DNM3: variants seen among roughly 807,000 people sequenced by gnomAD.
DNM3 encodes the protein dynamin-3.
Under a neutral mutation model 101.6 loss-of-function variants are expected in DNM3, and 47 were observed. That is an observed-to-expected ratio of 0.46 (90% confidence interval 0.37 to 0.59). The LOEUF is 0.59. Ranked by LOEUF, DNM3 falls within the 20% of genes least tolerant of loss-of-function variation. The pLI is 0.00. For missense variants in DNM3, 849 were observed against 1,085.7 expected (o/e 0.78, Z 3.06); for synonymous variants, 385 against 387.9 (o/e 0.99, Z 0.09).
In DNM3 at chr1:171,921,742, T is replaced by A. The variant is rs2040187981; in HGVS notation, c.162-6T>A. 1 of 1,577,076 alleles carries A rather than the reference T, an allele frequency of 6.3e-7. No individual in the cohort carries two copies. Among genetic ancestry groups the A allele is most frequent in the Admixed American group, 1.8e-5 (1 of 54,470 alleles). On this transcript the variant is annotated splice_region_variant and splice_polypyrimidine_tract_variant and intron_variant, in intron 1 of 20. Coordinates refer to ENST00000627582, the MANE Select transcript of DNM3 (RefSeq NM_015569.5). ...TGCCTTAATCTGTATTTCTTACTTT[T>A]TTTAGGGACTTTCTCCCTCGAGGGT...
In DNM3 at chr1:172,408,392, A is replaced by C; in HGVS notation, c.*551A>C. 1.0e-6 allele frequency: 1 copy of C among 985,932 alleles called. No homozygotes were observed. The highest frequency in any genetic ancestry group is 1.2e-6 in the Non-Finnish European group (1 of 830,308). The allele number at this position is 985,932 out of a possible 1,614,324, so 61.1% of individuals were successfully genotyped here. ...TTAAAATTAGGACTCCTTAAGAATA[A>C]ACTTTTCCAGAAGCACGAGGTAGTT... is the stretch of plus-strand genomic sequence containing the variant. On this transcript the variant is annotated 3_prime_UTR_variant, in exon 21 of 21. Coordinates refer to ENST00000627582, the MANE Select transcript of DNM3 (RefSeq NM_015569.5).
rs142912312 is a variant in DNM3 at position 172,004,422 on chromosome 1, T to C, written c.589+15274T>C. On this transcript the variant is annotated intron_variant, in intron 4 of 20. Transcript: ENST00000627582. ...GCAAGGAACTCAATAGCCAGCGGACTGGATACATCGTCCTCATGCACATTG... is the reference window on the plus strand; with the variant it reads ...GCAAGGAACTCAATAGCCAGCGGACCGGATACATCGTCCTCATGCACATTG... Among the ~76,000 whole-genome samples the C allele has an allele frequency of 8.5e-5, 13 of 152,156 alleles. No homozygotes were observed. The East Asian group carries it at 2.5e-3, about 29-fold the overall frequency.
chr1:172,040,046 G>T (rs1345904623), intron 7 of DNM3, among the ~76,000 whole-genome samples: 1 of 152,166 alleles, frequency 6.6e-6, no homozygotes, highest in Non-Finnish European at 1.5e-5. Context: ...CAGAGGGCCT[G>T]TGGTAGGAGA....
chr1:171,865,120 G>A (rs2034586221), intron 1 of DNM3, among the ~76,000 whole-genome samples: 1 of 143,838 alleles, frequency 7.0e-6, no homozygotes. Flanking sequence ...AAGGAATTGA[G>A]GTGGCTTCCT....
chr1:172,093,133 A>C (rs1426295324), intron 13 of DNM3, among the ~76,000 whole-genome samples: 2 of 152,140 alleles, frequency 1.3e-5, no homozygotes, highest in Admixed American at 6.6e-5. Context: ...TTGACTCCTC[A>C]TGTCCTATTT....
chr1:172,138,005 G>A (rs1181613478), intron 14 of DNM3: 2 of 152,106 alleles, frequency 1.3e-5, no homozygotes, highest in African/African-American at 4.8e-5. Flanking sequence ...AGTTTATAGT[G>A]ATGGAAGCAT....
At chr1:172,103,481 T>G (rs900647443) in intron 13 of DNM3, among the ~76,000 whole-genome samples, 1 of 152,140 alleles carries the variant, frequency 6.6e-6, no homozygotes, top group African/African-American at 2.4e-5. Flanking sequence ...TGGCATAATA[T>G]TATAGTGTTC....
chr1:172,109,385 T>C (rs1283973635), intron 13 of DNM3, among the ~76,000 whole-genome samples: 1 of 152,246 alleles, frequency 6.6e-6, no homozygotes, highest in Admixed American at 6.5e-5. Flanking sequence ...GTACATCCAC[T>C]TGCAGCATTT....
intron 17 of DNM3, among the ~76,000 whole-genome samples, chr1:172,362,947 G>C (rs2067820664): frequency 6.6e-6 from 1 of 151,878 alleles, no homozygotes; most frequent in African/African-American, 2.4e-5. Flanking sequence ...CTGGGATGAT[G>C]CATGATCTTT....
chr1:171,894,158 A>G (rs7529619), intron 1 of DNM3, among the ~76,000 whole-genome samples: 1 of 150,674 alleles, frequency 6.6e-6, no homozygotes, highest in East Asian at 2.0e-4. Context: ...GGGTTTTACC[A>G]TGTTGGCCAG....
intron 14 of DNM3, among the ~76,000 whole-genome samples, chr1:172,193,549 G>A (rs997474709): frequency 2.0e-5 from 3 of 152,110 alleles, no homozygotes; most frequent in African/African-American, 4.8e-5. Context: ...CTTGTTATTG[G>A]TCTATTCAGG....
chr1:172,031,489 A>G (rs2048604110), intron 4 of DNM3, among the ~76,000 whole-genome samples: 1 of 152,158 alleles, frequency 6.6e-6, no homozygotes, highest in Admixed American at 6.5e-5. Flanking sequence ...TGATAGGTGC[A>G]GCAAACCACC....
chr1:172,206,156 G>T (rs910809562), intron 14 of DNM3, among the ~76,000 whole-genome samples: 1 of 152,026 alleles, frequency 6.6e-6, no homozygotes, highest in Non-Finnish European at 1.5e-5. Flanking sequence ...TGCAAAATTC[G>T]AATTTTTACT....
chr1:172,271,498 T>C (rs958290140), intron 15 of DNM3, among the ~76,000 whole-genome samples: 1 of 152,102 alleles, frequency 6.6e-6, no homozygotes, highest in Non-Finnish European at 1.5e-5. Flanking sequence ...TACCCATATC[T>C]GCTTCTGCTT....
chr1:171,924,026 G>T (rs1003742393), intron 2 of DNM3, among the ~76,000 whole-genome samples: 9 of 152,100 alleles, frequency 5.9e-5, no homozygotes, highest in African/African-American at 1.9e-4. Context: ...TCTTTTTTAT[G>T]GCTGCATAGT....
rs371580361 is a variant in DNM3 at position 172,313,631 on chromosome 1, C to T, written c.1881+4792C>T. Reference sequence around the variant, plus strand: ...ATGTGGCTCAGGCAACTTACTTAACCTTCCAATTGTTGATTCTTCTCTAAA... The same window carrying T: ...ATGTGGCTCAGGCAACTTACTTAACTTTCCAATTGTTGATTCTTCTCTAAA... On this transcript the variant is annotated intron_variant, in intron 16 of 20. Coordinates refer to ENST00000627582, the MANE Select transcript of DNM3 (RefSeq NM_015569.5). Among the ~76,000 whole-genome samples the T allele has an allele frequency of 2.8e-3, 420 of 152,280 alleles. 1 individual carries two copies. Among genetic ancestry groups the T allele is most frequent in the African/African-American group, 9.5e-3 (394 of 41,564 alleles).
chr1:172,316,131 C>T (rs12407453), intron 16 of DNM3, among the ~76,000 whole-genome samples: 27,322 of 151,906 alleles, frequency 0.18, 2,628 homozygotes, highest in East Asian at 0.25. Context: ...TCATATCCAG[C>T]CAAACTAAGC....
chr1:172,231,137 G>A (rs1306484665), intron 14 of DNM3, among the ~76,000 whole-genome samples: 4 of 151,298 alleles, frequency 2.6e-5, no homozygotes, highest in African/African-American at 9.7e-5. Context: ...CTACTGGGGG[G>A]TGCCTCCCAG....
At chr1:172,389,386 A>G (rs2069390004) in intron 20 of DNM3, among the ~76,000 whole-genome samples, 1 of 151,530 alleles carries the variant, frequency 6.6e-6, no homozygotes, top group South Asian at 2.1e-4. Context: ...CACTAATCAT[A>G]TATAAGATAG....
Sources: gnomAD v4.1 joint callset for allele counts (sites outside exome capture counted in the v4.1 genomes callset) on GRCh38, gnomAD v4.1.1 for gene constraint, MANE v1.5 for transcripts, NCBI Gene and HGNC (gene_info 2026-07-23, HGNC 2026-07-21) for gene names.